The following MYH9 variants were observed in gnomAD, a reference collection of about 807,000 sequenced individuals.
MYH9 encodes myosin-9.
In MYH9, 29 loss-of-function variants were observed where a neutral mutation model predicts 241.9. The ratio of observed to expected loss-of-function variants is 0.12; its 90% CI spans 0.09 to 0.16. MYH9 has a LOEUF of 0.16. Ranked by LOEUF, MYH9 falls within the 10% of genes least tolerant of loss-of-function variation. MYH9 has a pLI of 1.00. For synonymous variants in MYH9, 1,047 were observed against 1,062.6 expected (o/e 0.99, Z 0.29); for missense variants, 1,803 against 2,595.5 (o/e 0.69, Z 6.63).
chr22:36,378,327 A>G (rs2018203871), intron 1 of MYH9, among the ~76,000 whole-genome samples: 1 of 152,264 alleles, frequency 6.6e-6, no homozygotes, highest in South Asian at 2.1e-4. Flanking sequence ...ACCACTTCAC[A>G]TCCATTTATA....
intron 1 of MYH9, among the ~76,000 whole-genome samples, chr22:36,379,462 TCGCG>T (rs970521631): frequency 2.0e-5 from 3 of 152,138 alleles, no homozygotes; most frequent in African/African-American, 7.2e-5. Context: ...TGAGCTGAGA[TCGCG>T]CCACTGCACT....
At chr22:36,383,665 A>AGGGG (rs35424710) in intron 1 of MYH9, among the ~76,000 whole-genome samples, 24 of 142,452 alleles carry the variant, frequency 1.7e-4, no homozygotes, top group Admixed American at 1.2e-3. Flanking sequence ...TTAAAAAAAA[A>AGGGG]GGGGGGGGGG....
At position 36,294,989 on chromosome 22, in the gene MYH9, C is replaced by T. The variant is rs2146338187; in HGVS notation, c.3573G>A (p.Arg1191=). 1 of 1,614,182 alleles carries T rather than the reference C, an allele frequency of 6.2e-7. No individual in the cohort carries two copies. The change falls in exon 27 of 41, where the codon AGG becomes AGA. Residue 1191 remains arginine, a synonymous_variant. Transcript: ENST00000216181. ...CCTCCACGGCCTGTGAGTGCTTCTG[C>T]CTCATCTCCTGGATCTGGGCCTCGT... ...KTHEAQIQEM[R]QKHSQAVEEL...
In MYH9 at chr22:36,320,773, G is replaced by A. The variant is rs1214773975; in HGVS notation, c.868+25C>T. On this transcript the variant is annotated intron_variant, in intron 8 of 40. Transcript: ENST00000216181. This position sits in a 1 kb window ranked among gnomAD's most constrained non-coding sequence, Gnocchi z 4.8. ...AGGCCCAGAGCCCGGCAGCCCCGGTGTCAGGCTGCAGGCCAACTACTCACT... is the reference window on the plus strand; with the variant it reads ...AGGCCCAGAGCCCGGCAGCCCCGGTATCAGGCTGCAGGCCAACTACTCACT... 2.5e-6 allele frequency: 4 copies of A among 1,573,086 alleles called. No individual in the cohort carries two copies. In the Admixed American group the frequency reaches 5.0e-5, roughly 20 times the overall value.
Position 36,300,375 on chromosome 22 carries a change from C to G in MYH9, c.2839-111G>C. 6.7e-7 allele frequency: 1 copy of G among 1,501,254 alleles called. No individual in the cohort carries two copies. Among genetic ancestry groups the G allele is most frequent in the Non-Finnish European group, 9.1e-7 (1 of 1,095,434 alleles). The allele number at this position is 1,501,254 out of a possible 1,614,324, so 93.0% of individuals were successfully genotyped here. On this transcript the variant is annotated intron_variant, in intron 22 of 40. Transcript: ENST00000216181. This position sits in a 1 kb window ranked among gnomAD's most constrained non-coding sequence, Gnocchi z 5.0. ...AACGCCAAGGAGAAAATAGCAAGGT[C>G]TGTGAGCCCAGGGCCATGGCTGAGG...
At chr22:36,291,216 T>C (rs1441778687) in intron 31 of MYH9, among the ~76,000 whole-genome samples, 2 of 151,950 alleles carry the variant, frequency 1.3e-5, no homozygotes, top group African/African-American at 2.4e-5. Context: ...ATGATGACAA[T>C]GGCGGTTTTG....
At chr22:36,371,741 G>A (rs1229202913) in intron 1 of MYH9, among the ~76,000 whole-genome samples, 1 of 151,892 alleles carries the variant, frequency 6.6e-6, no homozygotes, top group Non-Finnish European at 1.5e-5. Context: ...CACCATGTTG[G>A]CCTGGCTGGT....
chr22:36,321,723 T>C, intron 7 of MYH9, 35 bp downstream of exon 7: 1 of 1,595,598 alleles, frequency 6.3e-7, no homozygotes, highest in Non-Finnish European at 8.6e-7. Context: ...CCCCTCCGGA[T>C]CCAGGACTCT....
chr22:36,305,128 C>T lies in MYH9; in HGVS notation c.2160-26G>A. 1 of 1,583,474 alleles carries T rather than the reference C, an allele frequency of 6.3e-7. No individual in the cohort carries two copies. Among genetic ancestry groups the T allele is most frequent in the Non-Finnish European group, 8.7e-7 (1 of 1,152,248 alleles). On this transcript the variant is annotated intron_variant, in intron 17 of 40. Transcript: ENST00000216181. The surrounding 1 kb of genome is among the most constrained non-coding windows in gnomAD (Gnocchi z 4.7). ...CTGAGGAAGGAAAGAGAAGCCTGGT[C>T]ATTTTACCCATTGCCTCGATTCCAC...
At chr22:36,373,310 C>T (rs541866034) in intron 1 of MYH9, among the ~76,000 whole-genome samples, 4 of 152,270 alleles carry the variant, frequency 2.6e-5, no homozygotes, top group East Asian at 3.9e-4. Context: ...TCAGAAGGGC[C>T]GGGGGCTATT....
At chr22:36,335,896 C>A (rs895065789) in intron 3 of MYH9, among the ~76,000 whole-genome samples, 2 of 152,190 alleles carry the variant, frequency 1.3e-5, no homozygotes, top group Non-Finnish European at 2.9e-5. Flanking sequence ...AAGAGCCATG[C>A]TCAGACGTGA....
At chr22:36,324,746 G>C (rs1391237710) in intron 5 of MYH9, among the ~76,000 whole-genome samples, 2 of 152,246 alleles carry the variant, frequency 1.3e-5, no homozygotes, top group Admixed American at 6.5e-5. Flanking sequence ...GACAGCCTGA[G>C]CTATGACTGG....
intron 4 of MYH9, 47 bp from the exon 5 acceptor site, chr22:36,326,708 C>T (rs772053427): frequency 5.3e-6 from 8 of 1,520,868 alleles, no homozygotes; most frequent in Non-Finnish European, 6.4e-6. Flanking sequence ...TGGCCAAGTC[C>T]TTGACCTCTG....
chr22:36,367,746 T>C (rs1320560907), intron 1 of MYH9, among the ~76,000 whole-genome samples: 3 of 152,154 alleles, frequency 2.0e-5, no homozygotes, highest in Non-Finnish European at 4.4e-5. Flanking sequence ...GGTTTGAAAG[T>C]GGCCAAAGCT....
rs534121590 is a variant in MYH9 at position 36,377,092 on chromosome 22, G to T, written c.-20+10715C>A. Reference sequence around the variant, plus strand: ...AAAAAAAAAGTGAAGACACCAATGAGACCTGAACCCCATTTGTGCAATAAG... The same window carrying T: ...AAAAAAAAAGTGAAGACACCAATGATACCTGAACCCCATTTGTGCAATAAG... On this transcript the variant is annotated intron_variant, in intron 1 of 40. Transcript: ENST00000216181. Among the ~76,000 whole-genome samples, 17 of 151,424 alleles carry T rather than the reference G, an allele frequency of 1.1e-4. No homozygotes were observed. In the South Asian group the frequency reaches 3.6e-3, roughly 32 times the overall value.
At chr22:36,380,686 A>G (rs2018243731) in intron 1 of MYH9, among the ~76,000 whole-genome samples, 1 of 152,240 alleles carries the variant, frequency 6.6e-6, no homozygotes, top group Non-Finnish European at 1.5e-5. Flanking sequence ...GGTTGCAGTG[A>G]GCTAAGATCA....
chr22:36,353,764 T>C (rs1005591022), intron 1 of MYH9, among the ~76,000 whole-genome samples: 1 of 109,584 alleles, frequency 9.1e-6, no homozygotes, highest in Non-Finnish European at 2.2e-5. Flanking sequence ...CAAAATCAGT[T>C]TTCTCTTTCT....
At chr22:36,299,722 C>A (rs2016844322) in intron 23 of MYH9, among the ~76,000 whole-genome samples, 1 of 152,226 alleles carries the variant, frequency 6.6e-6, no homozygotes, top group Non-Finnish European at 1.5e-5. Context: ...AGGGACCCAA[C>A]TCATTCTCAA....
At chr22:36,349,310 G>A in intron 1 of MYH9, 55 bp from the exon 2 acceptor site, 1 of 1,316,810 alleles carries the variant, frequency 7.6e-7, no homozygotes, top group Non-Finnish European at 1.1e-6. Flanking sequence ...AGCCACACAA[G>A]ATCACTCATG....
Sources: gnomAD v4.1 joint callset for allele counts (sites outside exome capture counted in the v4.1 genomes callset) on GRCh38, gnomAD v4.1.1 for gene constraint, Gnocchi (gnomAD v3.1) non-coding constraint, MANE v1.5 for transcripts, NCBI Gene and HGNC (gene_info 2026-07-23, HGNC 2026-07-21) for gene names.